Variants in PIGK observed in about 807,000 individuals in gnomAD.
PIGK encodes the protein phosphatidylinositol glycan anchor biosynthesis class K, also known as GPI-anchor transamidase.
In PIGK, 42 loss-of-function variants were observed where a neutral mutation model predicts 50.6. The ratio of observed to expected loss-of-function variants is 0.83; its 90% CI spans 0.65 to 1.07. The LOEUF is 1.07. Ranked by LOEUF, PIGK falls within the 50% of genes least tolerant of loss-of-function variation. The pLI is 0.00. For missense variants in PIGK, 448 were observed against 488.7 expected, an observed-to-expected ratio of 0.92 and a Z score of 0.78; for synonymous variants, 151 against 156.0, an observed-to-expected ratio of 0.97 and a Z score of 0.24.
chr1:77,097,563 T>A (rs1653446686), intron 10 of PIGK, among the ~76,000 whole-genome samples: 1 of 148,764 alleles, frequency 6.7e-6, no homozygotes, highest in African/African-American at 2.4e-5. Context: ...GGGTTTTAAT[T>A]GAAAGATGAC....
intron 9 of PIGK, among the ~76,000 whole-genome samples, chr1:77,124,025 AGAGGAAAAT>A (rs1654166653): frequency 6.6e-6 from 1 of 151,448 alleles, no homozygotes; most frequent in Non-Finnish European, 1.5e-5. Flanking sequence ...TGAAGACACT[AGAGGAAAAT>A]GGCCATCTAC....
chr1:77,151,947 G>A (rs1330885164), intron 9 of PIGK, among the ~76,000 whole-genome samples: 2 of 151,866 alleles, frequency 1.3e-5, no homozygotes, highest in East Asian at 3.9e-4. Flanking sequence ...CTATACATAT[G>A]CAATAATCTC....
chr1:77,153,232 A>G (rs1654930908), intron 9 of PIGK, among the ~76,000 whole-genome samples: 1 of 152,166 alleles, frequency 6.6e-6, no homozygotes, highest in African/African-American at 2.4e-5. Context: ...ACTGGAAGTT[A>G]TTGTTAAGTG....
chr1:77,103,230 T>C (rs1395947934), intron 10 of PIGK, among the ~76,000 whole-genome samples: 1 of 152,232 alleles, frequency 6.6e-6, no homozygotes, highest in Non-Finnish European at 1.5e-5. Flanking sequence ...TTACTATTTT[T>C]ACTCTTTGTA....
intron 3 of PIGK, among the ~76,000 whole-genome samples, chr1:77,180,793 A>AAGG (rs1655594339): frequency 6.6e-6 from 1 of 152,148 alleles, no homozygotes; most frequent in South Asian, 2.1e-4. Context: ...AGCCTTTCCA[A>AAGG]AGGAGGCAAT....
At chr1:77,150,075 G>C (rs1296866981) in intron 9 of PIGK, among the ~76,000 whole-genome samples, 2 of 152,030 alleles carry the variant, frequency 1.3e-5, no homozygotes, top group Non-Finnish European at 2.9e-5. Context: ...ATCAGAATAT[G>C]GGATACAGTA....
chr1:77,102,568 C>A (rs1653574736), intron 10 of PIGK, among the ~76,000 whole-genome samples: 1 of 152,080 alleles, frequency 6.6e-6, no homozygotes. Flanking sequence ...CTTGATAAGG[C>A]AAGGAAACTG....
intron 3 of PIGK, among the ~76,000 whole-genome samples, chr1:77,187,874 C>T (rs1253431404): frequency 6.6e-6 from 1 of 152,128 alleles, no homozygotes; most frequent in Non-Finnish European, 1.5e-5. Context: ...TTATTAGTTC[C>T]CCAAATTAAT....
At chr1:77,212,500 T>C (rs1238571531) in intron 1 of PIGK, among the ~76,000 whole-genome samples, 2 of 152,182 alleles carry the variant, frequency 1.3e-5, no homozygotes, top group Non-Finnish European at 2.9e-5. Flanking sequence ...TACACACATC[T>C]GTACCTGTGT....
At chr1:77,168,504 A>T (rs1034780906) in intron 4 of PIGK, among the ~76,000 whole-genome samples, 2 of 152,024 alleles carry the variant, frequency 1.3e-5, no homozygotes, top group Admixed American at 1.3e-4. Context: ...TTAAACATAC[A>T]TATTTAATTC....
chr1:77,184,911 T>C (rs1458492419), intron 3 of PIGK, among the ~76,000 whole-genome samples: 2 of 152,164 alleles, frequency 1.3e-5, no homozygotes, highest in East Asian at 3.9e-4. Flanking sequence ...AGTGCCACCA[T>C]CAAGGACTTG....
intron 10 of PIGK, among the ~76,000 whole-genome samples, chr1:77,111,918 G>A (rs865950965): frequency 6.6e-6 from 1 of 151,918 alleles, no homozygotes; most frequent in South Asian, 2.1e-4. Context: ...AATAGCCTTG[G>A]ATATAGAATT....
chr1:77,144,449 T>C (rs1227601637), intron 9 of PIGK, among the ~76,000 whole-genome samples: 3 of 151,958 alleles, frequency 2.0e-5, no homozygotes, highest in East Asian at 3.8e-4. Flanking sequence ...TTAGGTGCTA[T>C]GCATTTAGTG....
chr1:77,200,658 T>C (rs1005394189), intron 3 of PIGK, among the ~76,000 whole-genome samples: 1 of 152,186 alleles, frequency 6.6e-6, no homozygotes, highest in Non-Finnish European at 1.5e-5. Flanking sequence ...TCATTATAAA[T>C]GTTACACAAA....
intron 2 of PIGK, among the ~76,000 whole-genome samples, chr1:77,207,145 C>T (rs1194249532): frequency 2.6e-5 from 4 of 151,960 alleles, no homozygotes; most frequent in Non-Finnish European, 2.9e-5. Flanking sequence ...CCAGCCTTGT[C>T]GACAGAGCAA....
At chr1:77,097,934 A>G (rs1232921761) in intron 10 of PIGK, among the ~76,000 whole-genome samples, 1 of 152,178 alleles carries the variant, frequency 6.6e-6, no homozygotes, top group Non-Finnish European at 1.5e-5. Flanking sequence ...AATCTACATT[A>G]CTCTACAGAG....
intron 1 of PIGK, among the ~76,000 whole-genome samples, chr1:77,211,797 CTT>C (rs1202442146): frequency 7.0e-6 from 1 of 142,530 alleles, no homozygotes; most frequent in Admixed American, 7.1e-5. Context: ...GCTGAGGTTT[CTT>C]TCTTTCTTTT....
At chr1:77,128,365 T>C (rs898204475) in intron 9 of PIGK, among the ~76,000 whole-genome samples, 2 of 152,210 alleles carry the variant, frequency 1.3e-5, no homozygotes, top group African/African-American at 4.8e-5. Flanking sequence ...TTGATACACA[T>C]CTTATTTACT....
At chr1:77,151,730 C>G (rs1654896899) in intron 9 of PIGK, among the ~76,000 whole-genome samples, 1 of 152,036 alleles carries the variant, frequency 6.6e-6, no homozygotes, top group African/African-American at 2.4e-5. Flanking sequence ...ATCAAGAAAG[C>G]AATCTCACTT....
Sources: allele counts gnomAD v4.1 joint callset (sites outside exome capture counted in the v4.1 genomes callset), GRCh38; gene constraint gnomAD v4.1.1; transcripts MANE v1.5; gene names NCBI Gene and HGNC (gene_info 2026-07-23, HGNC 2026-07-21).